The following MESD variants were observed in gnomAD, a reference collection of about 807,000 sequenced individuals.
MESD encodes the protein LRP chaperone MESD.
Under a neutral mutation model 12.9 loss-of-function variants are expected in MESD, and 7 were observed. The ratio of observed to expected loss-of-function variants is 0.54; its 90% CI spans 0.31 to 1.02. MESD has a LOEUF of 1.02. MESD is among the 50% of genes least tolerant of loss of function. The pLI is 0.05. For synonymous variants in MESD, 126 were observed against 115.6 expected (o/e 1.09, Z -0.58); for missense variants, 342 against 296.7 (o/e 1.15, Z -1.12).
At position 80,963,642 on chromosome 15, in the gene MESD, G is replaced by A. The variant is rs11858931; in HGVS notation, c.*289-11346C>T. On this transcript the variant is annotated intron_variant, in intron 3 of 4. Transcript: ENST00000561312. The stretch of plus-strand genomic sequence containing the variant: ...AAAGTTTATCCTCCACGATCAAGTC[G>A]GCTTCATCCCTGGGATGCGAGGCTG... Among the ~76,000 whole-genome samples the A allele has an allele frequency of 7.6e-3, 1,162 of 152,218 alleles. 13 individuals are homozygous for A. Among genetic ancestry groups the A allele is most frequent in the African/African-American group, 0.027 (1,105 of 41,498 alleles).
In MESD at chr15:80,989,809, G is replaced by A. The variant is rs574992274; in HGVS notation, c.-18C>T. 4.5e-6 allele frequency: 7 copies of A among 1,552,530 alleles called. No individual in the cohort carries two copies. In the African/African-American group the frequency reaches 8.1e-5, roughly 18 times the overall value. On this transcript the variant is annotated 5_prime_UTR_variant, in exon 1 of 3. Transcript: ENST00000261758. ...GCCGCCATTTTCGCTGCGCCGCGCA[G>A]CGCCCTAGACGCGCTTACCCGACCT...
At chr15:80,983,690 T>A (rs901423846) in intron 1 of MESD, among the ~76,000 whole-genome samples, 7 of 152,174 alleles carry the variant, frequency 4.6e-5, no homozygotes, top group Admixed American at 1.3e-4. Flanking sequence ...TAATCCCGCA[T>A]CACAAAGTAG....
chr15:80,964,626 C>T lies in MESD; in HGVS notation c.*289-12330G>A, dbSNP rs112596444. On this transcript the variant is annotated intron_variant, in intron 3 of 4. Transcript: ENST00000561312. ...CTGTTGCCAAAACAGATATATAAAC[C>T]AATGAAACAGAACAGAGGCCTGAGA... Among the ~76,000 whole-genome samples, 960 of 152,268 alleles carry T rather than the reference C, an allele frequency of 6.3e-3. 13 individuals are homozygous for T. Among genetic ancestry groups the T allele is most frequent in the African/African-American group, 0.022 (901 of 41,538 alleles).
Position 80,989,687 on chromosome 15 carries a change from T to G in MESD, c.105A>C (p.Glu35Asp). ...LLPPPGSCAA[E>D]GSPGTPDEST... ...ACTCGTCGGGCGTCCCGGGCGAGCC[T>G]TCGGCCGCGCAGGACCCAGGCGGTG... The change falls in exon 1 of 3, where the codon GAA becomes GAC. Residue 35 changes from glutamate (E) to aspartate (D), a missense_variant. By Grantham distance (45) the Glu-to-Asp change is conservative. Transcript: ENST00000261758. The G allele has an allele frequency of 6.2e-7, 1 of 1,612,788 alleles. No individual in the cohort carries two copies. Among genetic ancestry groups the G allele is most frequent in the Non-Finnish European group, 8.5e-7 (1 of 1,179,962 alleles).
chr15:80,948,807 A>C, exon 5 of MESD: 1 of 1,614,176 alleles, frequency 6.2e-7, no homozygotes, highest in Non-Finnish European at 8.5e-7. Flanking sequence ...AGCAAATGGC[A>C]TTCGTTGGCT....
chr15:80,988,166 T>G (rs1336968730), intron 1 of MESD, among the ~76,000 whole-genome samples: 1 of 152,366 alleles, frequency 6.6e-6, no homozygotes, highest in South Asian at 2.1e-4. Flanking sequence ...GCGAAAGAAT[T>G]TGAAACTCAG....
chr15:80,959,003 T>C (rs964125658), intron 3 of MESD, among the ~76,000 whole-genome samples: 1 of 152,156 alleles, frequency 6.6e-6, no homozygotes, highest in African/African-American at 2.4e-5. Flanking sequence ...AATGTGCTAT[T>C]GGGTTTCCCC....
In MESD at chr15:80,978,909, C is replaced by CT. The variant is rs546377081; in HGVS notation, c.*309dup. 276 of 380,130 alleles carry CT rather than the reference C, an allele frequency of 7.3e-4. 1 individual carries two copies. In the East Asian group the frequency reaches 0.012, roughly 17 times the overall value. 23.5% of individuals were successfully genotyped at this position (380,130 alleles called of 1,614,324 possible). ...GCAGGTGCTTGGAGGGGAGTGGAAT[C>CT]TCAGTAGAGTTGATGACTCACCAAG... On this transcript the variant is annotated 3_prime_UTR_variant, in exon 3 of 3. Coordinates refer to ENST00000261758, the MANE Select transcript of MESD (RefSeq NM_015154.3).
At chr15:80,959,320 C>T (rs1902044602) in intron 3 of MESD, among the ~76,000 whole-genome samples, 1 of 152,190 alleles carries the variant, frequency 6.6e-6, no homozygotes, top group South Asian at 2.1e-4. Flanking sequence ...AGGGCAGCCT[C>T]TGGGTCAGTG....
chr15:80,970,923 C>A (rs1437535040), downstream of MESD, among the ~76,000 whole-genome samples: 2 of 152,240 alleles, frequency 1.3e-5, no homozygotes, highest in Middle Eastern at 3.4e-3. Context: ...CCTGGGTGAT[C>A]AGATATCACC....
intron 1 of MESD, among the ~76,000 whole-genome samples, chr15:80,988,263 T>A (rs1224572019): frequency 6.6e-6 from 1 of 152,242 alleles, no homozygotes; most frequent in Non-Finnish European, 1.5e-5. Context: ...AGTACCTCCC[T>A]CATGGATGGG....
chr15:80,946,296 A>T (rs1037657146), downstream of MESD: 1 of 153,054 alleles, frequency 6.5e-6, no homozygotes, highest in Non-Finnish European at 1.5e-5. Context: ...ATCTTCTAGC[A>T]TGGGGCTTCT....
intron 3 of MESD, among the ~76,000 whole-genome samples, chr15:80,963,127 T>TA (rs563782391): frequency 2.9e-3 from 435 of 152,082 alleles, no homozygotes; most frequent in Admixed American, 5.5e-3. Flanking sequence ...ATAGATGTAA[T>TA]AAAAAACGAT....
chr15:80,973,763 T>G (rs921720907), downstream of MESD, among the ~76,000 whole-genome samples: 2 of 148,818 alleles, frequency 1.3e-5, no homozygotes, highest in African/African-American at 2.5e-5. Flanking sequence ...ATGGTTTTTG[T>G]TTTTTTTTTA....
intron 1 of MESD, among the ~76,000 whole-genome samples, chr15:80,982,838 T>A (rs1902617223): frequency 6.6e-6 from 1 of 152,134 alleles, no homozygotes; most frequent in South Asian, 2.1e-4. Flanking sequence ...CCCAGCACTT[T>A]GGGAGGCTGA....
intron 2 of MESD, among the ~76,000 whole-genome samples, chr15:80,981,480 TAAAAG>T (rs1041829333): frequency 7.4e-5 from 11 of 148,898 alleles, no homozygotes; most frequent in African/African-American, 2.5e-4. Context: ...TAAATAATTT[TAAAAG>T]AAAACCTAGA....
intron 1 of MESD, among the ~76,000 whole-genome samples, chr15:80,988,359 T>C (rs552030836): frequency 6.6e-6 from 1 of 152,370 alleles, no homozygotes; most frequent in African/African-American, 2.4e-5. Flanking sequence ...CTGTTCCCAG[T>C]GCAATCTTTG....
intron 4 of MESD, chr15:80,950,657 G>C (rs1901778493): frequency 6.6e-6 from 1 of 152,510 alleles, no homozygotes; most frequent in South Asian, 2.1e-4. Flanking sequence ...CAATTTGGCT[G>C]ATCTTGGGTG....
chr15:80,971,983 CT>C (rs145772191), downstream of MESD, among the ~76,000 whole-genome samples: 337 of 151,142 alleles, frequency 2.2e-3, 4 homozygotes, highest in African/African-American at 7.8e-3. Flanking sequence ...CACCAAAGGA[CT>C]AATCTTAAGG....
Sources: allele counts gnomAD v4.1 joint callset (sites outside exome capture counted in the v4.1 genomes callset), GRCh38; gene constraint gnomAD v4.1.1; transcripts MANE v1.5; gene names NCBI Gene and HGNC (gene_info 2026-07-23, HGNC 2026-07-21).